The following IMMP2L variants were observed in gnomAD, a reference collection of about 807,000 sequenced individuals.
IMMP2L encodes the protein mitochondrial inner membrane protease subunit 2.
IMMP2L carries 18 observed loss-of-function variants against 19.3 expected under a neutral mutation model. The observed-to-expected ratio is 0.93, with a 90% CI of 0.64 to 1.38. The LOEUF is 1.38. Ranked by LOEUF, IMMP2L falls within the 40% of genes most tolerant of loss-of-function variation. The pLI is 0.00. For synonymous variants in IMMP2L, 76 were observed against 73.0 expected (o/e 1.04, Z -0.21); for missense variants, 233 against 218.2 (o/e 1.07, Z -0.43).
intron 5 of IMMP2L, among the ~76,000 whole-genome samples, chr7:110,861,098 T>TGTGTGAGAGAGAGAGA (rs780880935): frequency 1.1e-4 from 15 of 141,636 alleles, no homozygotes; most frequent in African/African-American, 4.0e-4. Flanking sequence ...TGTGTGTGTG[T>TGTGTGAGAGAGAGAGA]GAGAGAGAGA....
intron 5 of IMMP2L, among the ~76,000 whole-genome samples, chr7:110,796,816 G>C (rs1368204132): frequency 6.6e-6 from 1 of 151,944 alleles, no homozygotes; most frequent in Non-Finnish European, 1.5e-5. Context: ...ATTAACCAAG[G>C]ATATCTACAA....
intron 5 of IMMP2L, among the ~76,000 whole-genome samples, chr7:110,868,144 T>TGTGTGTGTGTGTGTGTGTGTGTGAAAAA: frequency 6.6e-6 from 1 of 151,132 alleles, no homozygotes; most frequent in African/African-American, 2.4e-5. Flanking sequence ...TGTGTGTGTG[T>TGTGTGTGTGTGTGTGTGTGTGTGAAAAA]AACCAAGCTG....
chr7:110,836,142 C>T (rs1804449695), intron 5 of IMMP2L, among the ~76,000 whole-genome samples: 1 of 152,122 alleles, frequency 6.6e-6, no homozygotes, highest in Non-Finnish European at 1.5e-5. Flanking sequence ...GGAATGAAAT[C>T]TCTGTAAGAG....
At chr7:111,539,180 G>GAGA (rs1848206657) in intron 1 of IMMP2L, among the ~76,000 whole-genome samples, 2 of 68,250 alleles carry the variant, frequency 2.9e-5, no homozygotes, top group African/African-American at 1.5e-4. Context: ...AGGAAGGAAG[G>GAGA]AAGGAAGGAA....
At chr7:111,542,866 C>T (rs183531877) in intron 1 of IMMP2L, among the ~76,000 whole-genome samples, 4 of 152,258 alleles carry the variant, frequency 2.6e-5, no homozygotes, top group East Asian at 3.9e-4. Flanking sequence ...ATCTTGCTGT[C>T]ATTTCAGCAC....
chr7:110,831,439 C>T (rs1392126531), intron 5 of IMMP2L, among the ~76,000 whole-genome samples: 3 of 152,114 alleles, frequency 2.0e-5, no homozygotes, highest in Non-Finnish European at 4.4e-5. Context: ...TGTTTGATTA[C>T]ACAATTTGGG....
At chr7:111,153,165 T>C (rs1436513876) in intron 3 of IMMP2L, among the ~76,000 whole-genome samples, 1 of 152,126 alleles carries the variant, frequency 6.6e-6, no homozygotes, top group African/African-American at 2.4e-5. Context: ...TACTCAATTT[T>C]TCTTTTTTAA....
At chr7:110,752,840 A>G (rs1797805009) in intron 5 of IMMP2L, among the ~76,000 whole-genome samples, 1 of 152,094 alleles carries the variant, frequency 6.6e-6, no homozygotes, top group Non-Finnish European at 1.5e-5. Context: ...TAGTAAGACA[A>G]ACATCACAGA....
At chr7:111,435,495 A>C (rs1837069116) in intron 3 of IMMP2L, among the ~76,000 whole-genome samples, 1 of 151,806 alleles carries the variant, frequency 6.6e-6, no homozygotes, top group South Asian at 2.1e-4. Flanking sequence ...GGACATACAG[A>C]GTGGAACAAT....
At chr7:111,534,958 C>T (rs1847749937) in intron 1 of IMMP2L, among the ~76,000 whole-genome samples, 1 of 152,080 alleles carries the variant, frequency 6.6e-6, no homozygotes, top group South Asian at 2.1e-4. Context: ...AAGTAGATGA[C>T]TTTAAGGACC....
chr7:111,046,612 G>C (rs1792420645), intron 3 of IMMP2L, among the ~76,000 whole-genome samples: 1 of 152,098 alleles, frequency 6.6e-6, no homozygotes, highest in Admixed American at 6.5e-5. Flanking sequence ...TAAATACTAT[G>C]TTCAAAATAT....
chr7:111,294,241 T>C (rs1264248037), intron 3 of IMMP2L, among the ~76,000 whole-genome samples: 1 of 151,826 alleles, frequency 6.6e-6, no homozygotes, highest in Non-Finnish European at 1.5e-5. Flanking sequence ...GTATATTGAT[T>C]TGAGAGATGT....
At chr7:111,425,428 T>C (rs765707667) in intron 3 of IMMP2L, among the ~76,000 whole-genome samples, 13 of 151,148 alleles carry the variant, frequency 8.6e-5, no homozygotes, top group Admixed American at 2.6e-4. Context: ...AAAAAAAAAC[T>C]GTAAACTATT....
chr7:110,946,307 AC>A (rs1817243868), intron 4 of IMMP2L, among the ~76,000 whole-genome samples: 1 of 152,222 alleles, frequency 6.6e-6, no homozygotes, highest in Non-Finnish European at 1.5e-5. Flanking sequence ...TGTGGTAGTT[AC>A]GTTGCCTATA....
chr7:110,990,755 A>G (rs932054910), intron 3 of IMMP2L, among the ~76,000 whole-genome samples: 7 of 152,098 alleles, frequency 4.6e-5, no homozygotes, highest in Non-Finnish European at 7.4e-5. Flanking sequence ...CTTTTAAAAC[A>G]CAAACCTGGG....
At chr7:111,334,380 G>T (rs1826187981) in intron 3 of IMMP2L, among the ~76,000 whole-genome samples, 1 of 151,812 alleles carries the variant, frequency 6.6e-6, no homozygotes, top group African/African-American at 2.4e-5. Flanking sequence ...CCACGTTGCT[G>T]TACATGATAG....
intron 3 of IMMP2L, among the ~76,000 whole-genome samples, chr7:111,087,456 G>GA (rs76131476): frequency 0.02 from 1,555 of 77,914 alleles, 22 homozygotes; most frequent in African/African-American, 0.052. Flanking sequence ...CTTAAAAAAA[G>GA]AAAAAAAAAA....
intron 3 of IMMP2L, among the ~76,000 whole-genome samples, chr7:111,308,111 A>G (rs1823080487): frequency 6.6e-6 from 1 of 151,954 alleles, no homozygotes; most frequent in African/African-American, 2.4e-5. Flanking sequence ...TCTGGCCTAT[A>G]AGATTATTTG....
At chr7:111,128,971 T>C (rs533478079) in intron 3 of IMMP2L, among the ~76,000 whole-genome samples, 1 of 152,300 alleles carries the variant, frequency 6.6e-6, no homozygotes, top group African/African-American at 2.4e-5. Context: ...TGTCTACATA[T>C]CTTTACAAGG....
Sources: gnomAD v4.1 joint callset for allele counts (sites outside exome capture counted in the v4.1 genomes callset) on GRCh38, gnomAD v4.1.1 for gene constraint, MANE v1.5 for transcripts, NCBI Gene and HGNC (gene_info 2026-07-23, HGNC 2026-07-21) for gene names.